Variants in ATP13A3 observed in about 807,000 individuals in gnomAD.
ATP13A3 encodes ATPase 13A3, also known as polyamine-transporting ATPase 13A3.
Under a neutral mutation model 158.1 loss-of-function variants are expected in ATP13A3, and 59 were observed. The ratio of observed to expected loss-of-function variants is 0.37; its 90% CI spans 0.30 to 0.46. ATP13A3 has a LOEUF of 0.46. ATP13A3 is among the 20% of genes least tolerant of loss of function. The probability of loss-of-function intolerance (pLI) is 1.00; values close to 1 mark genes in which losing one functional copy is unlikely to be tolerated. For synonymous variants in ATP13A3, 491 were observed against 504.3 expected (o/e 0.97, Z 0.35); for missense variants, 1,166 against 1,525.2 (o/e 0.76, Z 3.92).
chr3:194,426,904 A>G (rs533688785), intron 29 of ATP13A3, among the ~76,000 whole-genome samples, 171 bp downstream of exon 29: 193 of 152,144 alleles, frequency 1.3e-3, no homozygotes, highest in African/African-American at 4.6e-3. Context: ...TCAAGTCATC[A>G]AACTCCTGGT....
At chr3:194,432,337 A>G (rs939555225) in intron 21 of ATP13A3, among the ~76,000 whole-genome samples, 1 of 152,224 alleles carries the variant, frequency 6.6e-6, no homozygotes, top group African/African-American at 2.4e-5. Context: ...ACAAAAAGGT[A>G]AGACAGGTAA....
chr3:194,420,088 T>C, intron 30 of ATP13A3, 121 bp from the exon 31 acceptor site: 1 of 1,117,030 alleles, frequency 9.0e-7, no homozygotes, highest in Non-Finnish European at 1.2e-6. Context: ...TCACTTCAGT[T>C]GATGGAATAA....
chr3:194,453,544 A>G (rs1355731973), intron 10 of ATP13A3, among the ~76,000 whole-genome samples, 162 bp downstream of exon 10: 1 of 152,226 alleles, frequency 6.6e-6, no homozygotes, highest in East Asian at 1.9e-4. Flanking sequence ...GGCTGCAGTA[A>G]GCTGAGATTG....
At chr3:194,476,258 G>A (rs1161869253) in intron 2 of ATP13A3, among the ~76,000 whole-genome samples, 1 of 151,952 alleles carries the variant, frequency 6.6e-6, no homozygotes, top group Non-Finnish European at 1.5e-5. Context: ...TCTTCTCTTT[G>A]TAACAATCTC....
intron 33 of ATP13A3, among the ~76,000 whole-genome samples, chr3:194,410,268 C>T (rs926577173): frequency 1.7e-4 from 19 of 111,914 alleles, no homozygotes; most frequent in African/African-American, 5.4e-4. Flanking sequence ...GAGACCAGCC[C>T]GGGCAACATG....
intron 30 of ATP13A3, chr3:194,424,317 G>C (rs961887740): frequency 1.3e-5 from 2 of 151,428 alleles, no homozygotes; most frequent in African/African-American, 4.8e-5. Flanking sequence ...TAATAATATA[G>C]TTATTTTTAA....
chr3:194,475,752 A>C (rs1720499408), intron 2 of ATP13A3, among the ~76,000 whole-genome samples: 1 of 152,022 alleles, frequency 6.6e-6, no homozygotes, highest in African/African-American at 2.4e-5. Context: ...CACACCCCAC[A>C]ATCAATGTAT....
intron 29 of ATP13A3, among the ~76,000 whole-genome samples, chr3:194,426,400 G>A (rs1026920522): frequency 2.6e-5 from 4 of 152,022 alleles, no homozygotes; most frequent in Non-Finnish European, 5.9e-5. Context: ...TACACTCTAC[G>A]AAAAGCAAAT....
chr3:194,465,976 C>T (rs1235301681), intron 2 of ATP13A3, among the ~76,000 whole-genome samples: 1 of 150,068 alleles, frequency 6.7e-6, no homozygotes, highest in Non-Finnish European at 1.5e-5. Flanking sequence ...AGTGAGGCTC[C>T]ACCTCAAAAA....
chr3:194,471,170 C>T (rs1180321301), intron 2 of ATP13A3, among the ~76,000 whole-genome samples: 1 of 151,974 alleles, frequency 6.6e-6, no homozygotes, highest in Non-Finnish European at 1.5e-5. Flanking sequence ...ATTCTCTTTG[C>T]CTGCATCTTA....
Position 194,486,157 on chromosome 3 carries a change from C to T in ATP13A3, c.-88-322G>A, listed in dbSNP as rs116393596. Among the ~76,000 whole-genome samples the T allele has an allele frequency of 6.9e-3, 1,046 of 152,280 alleles. 2 individuals carry two copies. Among genetic ancestry groups the T allele is most frequent in the Middle Eastern group, 0.031 (9 of 294 alleles). On this transcript the variant is annotated intron_variant, in intron 1 of 33. Transcript: ENST00000645319. Reference sequence around the variant, plus strand: ...TCACTTTTCCTCCACGGGACTCACTCCTTTTATCTGTGAAATGCGGAGATG... The same window carrying T: ...TCACTTTTCCTCCACGGGACTCACTTCTTTTATCTGTGAAATGCGGAGATG...
At chr3:194,444,405 A>G (rs998346238) in intron 15 of ATP13A3, among the ~76,000 whole-genome samples, 1 of 152,218 alleles carries the variant, frequency 6.6e-6, no homozygotes, top group Non-Finnish European at 1.5e-5. Flanking sequence ...TGGAGAGGGG[A>G]AAAAAGCAGC....
At chr3:194,493,887 C>T (rs535368113) in intron 2 of ATP13A3, among the ~76,000 whole-genome samples, 3 of 152,156 alleles carry the variant, frequency 2.0e-5, no homozygotes, top group East Asian at 1.9e-4. Flanking sequence ...ATCTCATTAA[C>T]CTTTATAACA....
rs4974520 is a variant in ATP13A3, at chr3:194,455,983, C to A, written c.561-21G>T. 0.22 allele frequency: 306,767 copies of A among 1,375,096 alleles called. 38,443 individuals are homozygous for A. The highest frequency in any genetic ancestry group is 0.48 in the African/African-American group (32,565 of 67,530). The allele number at this position is 1,375,096 out of a possible 1,614,324, so 85.2% of individuals were successfully genotyped here. On this transcript the variant is annotated intron_variant, in intron 7 of 33. Transcript: ENST00000645319. ...GTTTTCTATAACAGGAAAATACATT[C>A]ATAGTATTACATTATATCATAATAG...
chr3:194,459,288 T>C, intron 6 of ATP13A3, 183 bp downstream of exon 6: 1 of 575,510 alleles, frequency 1.7e-6, no homozygotes, highest in Non-Finnish European at 3.1e-6. Flanking sequence ...CAAGCTGCGG[T>C]GGGACTTATT....
At chr3:194,437,288 C>T (rs776101286) in intron 19 of ATP13A3, 23 bp downstream of exon 19, 9 of 1,613,872 alleles carry the variant, frequency 5.6e-6, no homozygotes, top group African/African-American at 2.7e-5. Context: ...AGAATTGTAC[C>T]CAAAGCATAG....
chr3:194,421,940 T>C (rs1020671196), intron 30 of ATP13A3, among the ~76,000 whole-genome samples: 11 of 74,650 alleles, frequency 1.5e-4, no homozygotes, highest in African/African-American at 1.1e-3. Context: ...ATGTGTGTCG[T>C]TGGCAAAAAA....
At chr3:194,426,272 G>A (rs1156245818) in intron 29 of ATP13A3, among the ~76,000 whole-genome samples, 2 of 151,904 alleles carry the variant, frequency 1.3e-5, no homozygotes, top group Non-Finnish European at 2.9e-5. Context: ...AAATTTTAAA[G>A]ATAATATCCC....
chr3:194,451,372 C>A (rs960604062), intron 10 of ATP13A3: 1 of 152,090 alleles, frequency 6.6e-6, no homozygotes, highest in African/African-American at 2.4e-5. Context: ...CTTTTAAATA[C>A]CACTTGAAGT....
Sources: gnomAD v4.1 joint callset for allele counts (sites outside exome capture counted in the v4.1 genomes callset) on GRCh38, gnomAD v4.1.1 for gene constraint, MANE v1.5 for transcripts, NCBI Gene and HGNC (gene_info 2026-07-23, HGNC 2026-07-21) for gene names.